The following ANKRD28 variants were observed in gnomAD, a reference collection of about 807,000 sequenced individuals.
The protein encoded by ANKRD28 is ankyrin repeat domain 28.
ANKRD28 carries 44 observed loss-of-function variants against 126.5 expected under a neutral mutation model. The observed-to-expected ratio is 0.35, with a 90% CI of 0.27 to 0.45. The LOEUF (loss-of-function observed/expected upper bound fraction) is 0.45, where lower values mean the gene tolerates loss of function less well. ANKRD28 is among the 20% of genes least tolerant of loss of function. ANKRD28 has a pLI of 1.00. For missense variants in ANKRD28, 1,110 were observed against 1,316.6 expected, an observed-to-expected ratio of 0.84 and a Z score of 2.43; for synonymous variants, 442 against 468.5, an observed-to-expected ratio of 0.94 and a Z score of 0.73.
At chr3:15,801,832 T>C (rs970983301), upstream of ANKRD28, among the ~76,000 whole-genome samples, 2 of 152,210 alleles carry the variant, frequency 1.3e-5, no homozygotes, top group African/African-American at 4.8e-5. This position sits in a 1 kb window ranked among gnomAD's most constrained non-coding sequence, Gnocchi z 4.9. Context: ...GTAATATATT[T>C]ATGATCCAGG....
At chr3:15,844,755 T>C (rs532081054) in intron 1 of ANKRD28, among the ~76,000 whole-genome samples, 16 of 152,210 alleles carry the variant, frequency 1.1e-4, no homozygotes, top group Non-Finnish European at 1.5e-4. Context: ...GAAGATGATA[T>C]ACAGAAATTC....
Position 15,700,300 on chromosome 3 carries a change from G to GT in ANKRD28, c.1548-4056dup, listed in dbSNP as rs200733327. Among the ~76,000 whole-genome samples, 618 of 152,232 alleles carry GT rather than the reference G, an allele frequency of 4.1e-3. 1 individual carries two copies. The highest frequency in any genetic ancestry group is 0.023 in the East Asian group (118 of 5,172). On this transcript the variant is annotated intron_variant, in intron 14 of 27. Transcript: ENST00000683139. The stretch of plus-strand genomic sequence containing the variant: ...CATCATACACCGGGGCCTGTCCGGG[G>GT]TGGGGGCCTGGGGGAGGGATAGCAT...
At chr3:15,679,135 CTT>C (rs71809219) in intron 23 of ANKRD28, among the ~76,000 whole-genome samples, 164 bp downstream of exon 23, 1 of 144,004 alleles carries the variant, frequency 6.9e-6, no homozygotes, top group Non-Finnish European at 1.5e-5. Flanking sequence ...TCATCATGCA[CTT>C]TTTTTTTTTT....
chr3:15,754,903 G>C (rs1481435102), intron 3 of ANKRD28, among the ~76,000 whole-genome samples: 1 of 152,134 alleles, frequency 6.6e-6, no homozygotes, highest in Non-Finnish European at 1.5e-5. Flanking sequence ...AATCACCTGA[G>C]GTCAGGAGTT....
chr3:15,767,911 CAAA>C (rs1472757406), intron 2 of ANKRD28, among the ~76,000 whole-genome samples: 19 of 144,524 alleles, frequency 1.3e-4, no homozygotes, highest in African/African-American at 5.3e-4. Context: ...AACAAAACAA[CAAA>C]AACAAAAACA....
chr3:15,685,250 C>T lies in ANKRD28; in HGVS notation c.2365G>A (p.Ala789Thr). 6.2e-7 allele frequency: 1 copy of T among 1,613,954 alleles called. No individual in the cohort carries two copies. Among genetic ancestry groups the T allele is most frequent in the Non-Finnish European group, 8.5e-7 (1 of 1,179,862 alleles). Residue 789 changes from alanine (A) to threonine (T), a missense_variant, in exon 21 of 28, where the codon GCA becomes ACA. Coordinates refer to ENST00000683139, the MANE Select transcript of ANKRD28 (RefSeq NM_001349278.2). ...CCATTGTAGCAAGCCCAGTGAAGTG[C>T]CGTATATCCATGATTGTCTGCTGTG... is the stretch of plus-strand genomic sequence containing the variant. ...PATADNHGYTALHWACYNGHE... is the reference protein window; with the variant it reads ...PATADNHGYTTLHWACYNGHE...
chr3:15,713,646 A>G lies in ANKRD28; in HGVS notation c.1076-5T>C. ...CCTCACAGTCGATTACAGCTCCTGC[A>G]ATATAGGACTTACTGTCAGACACTG... On this transcript the variant is annotated splice_polypyrimidine_tract_variant and splice_region_variant and intron_variant, in intron 9 of 27. Coordinates refer to ENST00000683139, the MANE Select transcript of ANKRD28 (RefSeq NM_001349278.2). 1 of 1,582,324 alleles carries G rather than the reference A, an allele frequency of 6.3e-7. No homozygotes were observed. Among genetic ancestry groups the G allele is most frequent in the Non-Finnish European group, 8.6e-7 (1 of 1,161,602 alleles).
In ANKRD28 at chr3:15,805,266, CT is replaced by C. The variant is rs751442429; in HGVS notation, c.28-9961del. On this transcript the variant is annotated intron_variant, in intron 1 of 27. Transcript: ENST00000399451. ...AAGGAACAAAGGGAGAAAAACTACTCTGTTAGCAAGTATGTAGTACTGCATT... is the reference window on the plus strand; with the variant it reads ...AAGGAACAAAGGGAGAAAAACTACTCGTTAGCAAGTATGTAGTACTGCATT... Among the ~76,000 whole-genome samples the C allele has an allele frequency of 1.2e-4, 18 of 152,134 alleles. 2 individuals carry two copies. The highest frequency in any genetic ancestry group is 4.1e-4 in the African/African-American group (17 of 41,424).
chr3:15,792,013 CA>C (rs1559539824), intron 2 of ANKRD28, among the ~76,000 whole-genome samples: 1 of 152,002 alleles, frequency 6.6e-6, no homozygotes, highest in Non-Finnish European at 1.5e-5. Flanking sequence ...ATCAGATATC[CA>C]AAACTCAATG....
rs1203321080 is a variant in ANKRD28, at chr3:15,812,298, A to G, written c.28-16992T>C. ...GGAGGCTGAGATGGGAAACTATACC[A>G]TTATCTTAATTTCATTTGTTTTTTA... is the stretch of plus-strand genomic sequence containing the variant. On this transcript the variant is annotated intron_variant, in intron 1 of 27. Coordinates refer to the ANKRD28 transcript ENST00000399451. This position sits in a 1 kb window ranked among gnomAD's most constrained non-coding sequence, Gnocchi z 4.1. Among the ~76,000 whole-genome samples, 1 of 129,566 alleles carries G rather than the reference A, an allele frequency of 7.7e-6. No individual in the cohort carries two copies. Among genetic ancestry groups the G allele is most frequent in the Non-Finnish European group, 1.7e-5 (1 of 58,668 alleles). 85.0% of individuals were successfully genotyped at this position (129,566 alleles called of 152,430 possible).
intron 4 of ANKRD28, among the ~76,000 whole-genome samples, chr3:15,737,752 C>G (rs1286121390): frequency 1.3e-5 from 2 of 152,038 alleles, no homozygotes; most frequent in Admixed American, 6.5e-5. Flanking sequence ...AAACATGAGC[C>G]AGTCATAGAG....
At chr3:15,813,755 G>A (rs137978124) in intron 1 of ANKRD28, among the ~76,000 whole-genome samples, 1 of 152,258 alleles carries the variant, frequency 6.6e-6, no homozygotes, top group African/African-American at 2.4e-5. Context: ...TGAAAACATA[G>A]GAGTCACTCA....
rs1396890268 is a variant in ANKRD28, at chr3:15,677,546, ACTG to A, written c.2721_2723del (p.Ser908del). 6.2e-7 allele frequency: 1 copy of A among 1,612,034 alleles called. No individual in the cohort carries two copies. Among genetic ancestry groups the A allele is most frequent in the South Asian group, 1.1e-5 (1 of 90,752 alleles). ...CTTGTAAAGTCAGTTCTGCACTAGCACTGCTAACCAGCATCTCTGGGAGGAAAA... is the reference window on the plus strand; with the variant it reads ...CTTGTAAAGTCAGTTCTGCACTAGCACTAACCAGCATCTCTGGGAGGAAAA... On this transcript the variant is annotated inframe_deletion, in exon 25 of 28. Transcript: ENST00000683139.
rs113585441 is a variant in ANKRD28 at position 15,825,056 on chromosome 3, T to C, written c.28-29750A>G. Among the ~76,000 whole-genome samples, 550 of 152,358 alleles carry C rather than the reference T, an allele frequency of 3.6e-3. 7 individuals are homozygous for C. Among genetic ancestry groups the C allele is most frequent in the African/African-American group, 0.013 (531 of 41,592 alleles). On this transcript the variant is annotated intron_variant, in intron 1 of 27. Transcript: ENST00000399451. ...GAGAAAATCAAGAATAGATTTGATA[T>C]GCTTGGCTTATCTGTTGTAAAATTT...
At chr3:15,800,559 T>C (rs554536553), upstream of ANKRD28, among the ~76,000 whole-genome samples, 24 of 152,212 alleles carry the variant, frequency 1.6e-4, 1 homozygote, top group South Asian at 5.0e-3. Flanking sequence ...GTAATTCAGA[T>C]TAATGTCTGG....
chr3:15,711,617 A>C (rs1374321781), intron 11 of ANKRD28, among the ~76,000 whole-genome samples: 2 of 152,172 alleles, frequency 1.3e-5, no homozygotes, highest in African/African-American at 4.8e-5. Context: ...GTGGTTGCCT[A>C]GGGCTGAGGG....
intron 2 of ANKRD28, among the ~76,000 whole-genome samples, chr3:15,785,644 C>T (rs1329972625): frequency 3.9e-5 from 6 of 152,040 alleles, no homozygotes; most frequent in African/African-American, 1.2e-4. Flanking sequence ...GCCACTTTGA[C>T]AGGTTTTTTA....
chr3:15,692,144 T>TA (rs908039642), intron 17 of ANKRD28, among the ~76,000 whole-genome samples: 49,128 of 99,562 alleles, frequency 0.49, 11,529 homozygotes, highest in Middle Eastern at 0.6. Flanking sequence ...TATCTCTAAA[T>TA]AAAAAAAAAA....
At chr3:15,670,647 A>G (rs2066243373) in intron 27 of ANKRD28, 91 bp from the exon 28 acceptor site, 1 of 1,198,760 alleles carries the variant, frequency 8.3e-7, no homozygotes, top group Non-Finnish European at 1.2e-6. Context: ...TCAACTTTAG[A>G]CATATTTTAC....
Sources: gnomAD v4.1 joint callset for allele counts (sites outside exome capture counted in the v4.1 genomes callset) on GRCh38, gnomAD v4.1.1 for gene constraint, Gnocchi (gnomAD v3.1) non-coding constraint, MANE v1.5 for transcripts, NCBI Gene and HGNC (gene_info 2026-07-23, HGNC 2026-07-21) for gene names.